The following CREB3L3 variants were observed in gnomAD, a reference collection of about 807,000 sequenced individuals.
CREB3L3 encodes cyclic AMP-responsive element-binding protein 3-like protein 3.
In CREB3L3, 40 loss-of-function variants were observed where a neutral mutation model predicts 44.6. That is an observed-to-expected ratio of 0.90 (90% CI 0.70 to 1.17). The LOEUF is 1.17. CREB3L3 is among the 50% of genes most tolerant of loss of function. The pLI, the probability that CREB3L3 is intolerant of heterozygous loss-of-function variation, is 0.00. For missense variants in CREB3L3, 578 were observed against 595.8 expected (o/e 0.97, Z 0.31); for synonymous variants, 273 against 256.3 (o/e 1.06, Z -0.62).
Position 4,167,445 on chromosome 19 carries a change from GAA to G in CREB3L3, c.715-904_715-903del, listed in dbSNP as rs200596287. 9.9e-3 allele frequency among the ~76,000 whole-genome samples: 1,315 copies of G among 132,944 alleles called. 17 individuals carry two copies. Among genetic ancestry groups the G allele is most frequent in the African/African-American group, 0.034 (1,261 of 37,444 alleles). The allele number at this position is 132,944 out of a possible 152,430, so 87.2% of individuals were successfully genotyped here. A position where few individuals can be genotyped will look rare whatever the true frequency, so the allele number is the denominator to read the frequency against. Reference sequence around the variant, plus strand: ...AAAAGAAAGAAAGAAAGGAAAGAAAGAAAGGAAGAAAAGAAGGAAAGAAAGGA... The same window carrying G: ...AAAAGAAAGAAAGAAAGGAAAGAAAGAGGAAGAAAAGAAGGAAAGAAAGGA... On this transcript the variant is annotated intron_variant, in intron 5 of 9. Transcript: ENST00000078445.
At chr19:4,156,481 C>G (rs1464773988) in intron 2 of CREB3L3, among the ~76,000 whole-genome samples, 1 of 151,426 alleles carries the variant, frequency 6.6e-6, no homozygotes, top group African/African-American at 2.4e-5. Flanking sequence ...GCCACCGTGC[C>G]TGGCTCTTTT....
Position 4,168,396 on chromosome 19 carries a change from A to G in CREB3L3, c.760A>G (p.Lys254Glu), listed in dbSNP as rs1388849390. The change falls in exon 6 of 10, where the codon AAG (lysine) becomes GAG (glutamate). Residue 254 changes from lysine (K) to glutamate (E), a missense_variant. Transcript: ENST00000078445. Reference protein sequence around the residue: ...LKKIRRKIRNKQSAQESRKKK... With the variant: ...LKKIRRKIRNEQSAQESRKKK... ...AAAAATCCGCCGGAAAATCCGGAAC[A>G]AGCAGTCGGCGCAAGAAAGCAGGAA... 6.2e-7 allele frequency: 1 copy of G among 1,611,794 alleles called. No homozygotes were observed. The highest frequency in any genetic ancestry group is 8.5e-7 in the Non-Finnish European group (1 of 1,178,746).
rs758438696 is a variant in CREB3L3, at chr19:4,171,162, G to A, written c.962G>A (p.Gly321Asp). The change falls in exon 8 of 10, where the codon GGC (glycine) becomes GAC (aspartate). Residue 321 changes from glycine (G) to aspartate (D), a missense_variant. Physicochemically the swap from Gly to Asp is moderately conservative, Grantham distance 94. Coordinates refer to ENST00000078445, the MANE Select transcript of CREB3L3 (RefSeq NM_032607.3). This position sits in a 1 kb window ranked among gnomAD's most constrained non-coding sequence, Gnocchi z 4.9. ...VQSTSKSAQT[G>D]TCVAVLLLSF... The stretch of plus-strand genomic sequence containing the variant: ...TCCACCAGCAAGTCAGCCCAGACAG[G>A]CACCTGTGTCGCAGTGAGTCCTGGT... The A allele has an allele frequency of 2.0e-5, 32 of 1,613,956 alleles. 1 individual carries two copies. In the South Asian group the frequency reaches 2.7e-4, roughly 14 times the overall value.
chr19:4,166,284 C>T (rs576288667), intron 5 of CREB3L3, among the ~76,000 whole-genome samples: 9 of 150,394 alleles, frequency 6.0e-5, no homozygotes, highest in African/African-American at 2.0e-4. Flanking sequence ...GACGGAGTTT[C>T]GCTTTTGTTG....
chr19:4,162,685 TAAA>T (rs1332371853), intron 4 of CREB3L3, among the ~76,000 whole-genome samples: 2 of 151,220 alleles, frequency 1.3e-5, no homozygotes, highest in Non-Finnish European at 2.9e-5. Context: ...TCTTGCATCT[TAAA>T]AGAAGAAAAG....
At chr19:4,162,835 A>G (rs2041677154) in intron 4 of CREB3L3, among the ~76,000 whole-genome samples, 1 of 152,104 alleles carries the variant, frequency 6.6e-6, no homozygotes, top group African/African-American at 2.4e-5. Flanking sequence ...AAAATTAGCC[A>G]AGCATGGCGG....
chr19:4,154,796 C>T (rs1050036446), intron 1 of CREB3L3, 103 bp from the exon 2 acceptor site: 24 of 1,556,490 alleles, frequency 1.5e-5, no homozygotes, highest in Non-Finnish European at 1.8e-5. Context: ...GGAGGCAGAG[C>T]GGCAACTGAA....
intron 4 of CREB3L3, among the ~76,000 whole-genome samples, chr19:4,163,226 T>C (rs966184562): frequency 6.6e-6 from 1 of 151,380 alleles, no homozygotes; most frequent in Non-Finnish European, 1.5e-5. Context: ...GAGAATGGCG[T>C]GAACCCGGGA....
intron 7 of CREB3L3, 115 bp from the exon 8 acceptor site, chr19:4,170,976 C>A: frequency 1.3e-6 from 1 of 752,956 alleles, no homozygotes; most frequent in East Asian, 2.5e-5. Context: ...GAGCCAGAGG[C>A]CCTTGAAGAA....
chr19:4,162,481 A>G (rs1327517772), intron 4 of CREB3L3, among the ~76,000 whole-genome samples: 4 of 139,404 alleles, frequency 2.9e-5, no homozygotes, highest in Non-Finnish European at 6.0e-5. Context: ...GCAGTTGAAG[A>G]CCAGCCTGGG....
rs145839480 is a variant in CREB3L3 at position 4,157,172 on chromosome 19, G to A, written c.334G>A (p.Gly112Ser). 803 of 1,613,812 alleles carry A rather than the reference G, an allele frequency of 5.0e-4. 6 individuals are homozygous for A. In the African/African-American group the frequency reaches 8.9e-3, roughly 18 times the overall value. ...PRSGPATSPA[G>S]CHPAQPGKGP... ...CAGCGGACCAGCCACCTCCCCCGCCGGCTGCCATCCTGCCCAGCCTGGCAA... is the reference window on the plus strand; with the variant it reads ...CAGCGGACCAGCCACCTCCCCCGCCAGCTGCCATCCTGCCCAGCCTGGCAA... Residue 112 changes from glycine to serine, a missense_variant, in exon 3 of 10, where the codon GGC (glycine) becomes AGC (serine). By Grantham distance (56) the Gly-to-Ser change is moderately conservative. Transcript: ENST00000078445.
At chr19:4,155,382 G>A (rs1473406330) in intron 2 of CREB3L3, among the ~76,000 whole-genome samples, 2 of 141,614 alleles carry the variant, frequency 1.4e-5, no homozygotes, top group East Asian at 2.1e-4. Flanking sequence ...TTTTTTTGAA[G>A]GAGTCTCGCT....
rs1430058696 is a variant in CREB3L3, at chr19:4,171,067, C to T, written c.891-24C>T. On this transcript the variant is annotated intron_variant, in intron 7 of 9. Transcript: ENST00000078445. This position sits in a 1 kb window ranked among gnomAD's most constrained non-coding sequence, Gnocchi z 4.9. ...AGAACCGAGGCCCTTTAGGGCTCAG[C>T]GGAGGCCTGCCTGTCTCTCTAAGGT... 21 of 1,597,156 alleles carry T rather than the reference C, an allele frequency of 1.3e-5. No individual in the cohort carries two copies. The highest frequency in any genetic ancestry group is 3.3e-5 in the South Asian group (3 of 90,784).
intron 2 of CREB3L3, among the ~76,000 whole-genome samples, chr19:4,155,348 TTC>T (rs1243223504): frequency 1.3e-5 from 2 of 150,764 alleles, no homozygotes; most frequent in Non-Finnish European, 2.9e-5. Context: ...TCTCCTTCCT[TTC>T]TCTCTTTCTT....
intron 4 of CREB3L3, among the ~76,000 whole-genome samples, chr19:4,160,592 GT>G (rs1338971724): frequency 6.7e-6 from 1 of 149,476 alleles, no homozygotes. Flanking sequence ...ATCTTGCTCT[GT>G]TGCCCAGGCT....
chr19:4,163,808 T>C (rs2041691880), intron 4 of CREB3L3, among the ~76,000 whole-genome samples: 1 of 98,400 alleles, frequency 1.0e-5, no homozygotes, highest in Non-Finnish European at 2.3e-5. Flanking sequence ...CCACCTTTTC[T>C]TTTTTTTTTT....
rs1355656869 is a variant in CREB3L3, at chr19:4,165,337, T to TA, written c.714+699dup. ...TGCACGCCACTACACTTGGCTAATT[T>TA]AATTTTTTTTTTTTTTTTGTAGAAA... On this transcript the variant is annotated intron_variant, in intron 5 of 9. Transcript: ENST00000078445. 8.3e-5 allele frequency among the ~76,000 whole-genome samples: 9 copies of TA among 108,442 alleles called. No individual in the cohort carries two copies. In the Admixed American group the frequency reaches 9.6e-4, roughly 12 times the overall value. The allele number at this position is 108,442 out of a possible 152,430, so 71.1% of individuals were successfully genotyped here.
chr19:4,169,584 CTT>C (rs34259250), intron 6 of CREB3L3, among the ~76,000 whole-genome samples: 42 of 95,134 alleles, frequency 4.4e-4, no homozygotes, highest in East Asian at 1.8e-3. Context: ...GGAGGCTCAG[CTT>C]TTTTTTTTTT....
Position 4,156,480 on chromosome 19 carries a change from C to G in CREB3L3, c.157-515C>G, listed in dbSNP as rs113701694. Among the ~76,000 whole-genome samples the G allele has an allele frequency of 1.1e-4, 16 of 151,550 alleles. 1 individual carries two copies. The highest frequency in any genetic ancestry group is 3.4e-4 in the African/African-American group (14 of 41,344). On this transcript the variant is annotated intron_variant, in intron 2 of 9. Coordinates refer to ENST00000078445, the MANE Select transcript of CREB3L3 (RefSeq NM_032607.3). ...GGGATTACAGGCCTGAGCCACCGTG[C>G]CTGGCTCTTTTGTTTTTCTTTTTTT...
Sources: allele counts gnomAD v4.1 joint callset (sites outside exome capture counted in the v4.1 genomes callset), GRCh38; gene constraint gnomAD v4.1.1; non-coding constraint Gnocchi (gnomAD v3.1); transcripts MANE v1.5; gene names NCBI Gene and HGNC (gene_info 2026-07-23, HGNC 2026-07-21).